CST7: variants seen among roughly 807,000 people sequenced by gnomAD.
CST7 encodes the protein cystatin F, also known as cystatin-F.
A neutral mutation model predicts 13.1 loss-of-function variants in CST7; 15 were observed. That is an observed-to-expected ratio of 1.14 (90% CI 0.77 to 1.76). CST7 has a LOEUF of 1.76. Ranked by LOEUF, CST7 falls within the 40% of genes most tolerant of loss-of-function variation. The probability of loss-of-function intolerance (pLI) is 0.00; values close to 1 mark genes in which losing one functional copy is unlikely to be tolerated. For missense variants in CST7, 193 were observed against 178.8 expected, an observed-to-expected ratio of 1.08 and a Z score of -0.45; for synonymous variants, 75 against 66.9, an observed-to-expected ratio of 1.12 and a Z score of -0.59.
chr20:24,949,316 C>T lies in CST7; in HGVS notation c.-190C>T. The T allele has an allele frequency of 7.3e-6, 11 of 1,499,672 alleles. No individual in the cohort carries two copies. In the South Asian group the frequency reaches 9.2e-5, roughly 13 times the overall value. The allele number at this position is 1,499,672 out of a possible 1,614,324, so 92.9% of individuals were successfully genotyped here. Reference sequence around the variant, plus strand: ...GGCTCAGCACAGGCACAAACCATTGCCCGGCACTGGCCCGTGCTGCCTGAG... The same window carrying T: ...GGCTCAGCACAGGCACAAACCATTGTCCGGCACTGGCCCGTGCTGCCTGAG... On this transcript the variant is annotated 5_prime_UTR_variant, in exon 1 of 4. Coordinates refer to ENST00000480798, the MANE Select transcript of CST7 (RefSeq NM_003650.4).
chr20:24,949,415 A>T lies in CST7; in HGVS notation c.-91A>T. On this transcript the variant is annotated 5_prime_UTR_variant, in exon 1 of 4. Transcript: ENST00000480798. ...CTACCCAAGAAGGCTCGGCACGGGC[A>T]CCAACCACTGCCTCCAACTGCCCCA... 1 of 1,608,708 alleles carries T rather than the reference A, an allele frequency of 6.2e-7. No individual in the cohort carries two copies. Among genetic ancestry groups the T allele is most frequent in the South Asian group, 1.1e-5 (1 of 90,570 alleles).
intron 1 of CST7, among the ~76,000 whole-genome samples, chr20:24,950,546 G>T (rs186717700): frequency 1.3e-5 from 2 of 152,324 alleles, no homozygotes; most frequent in South Asian, 2.1e-4. Context: ...GCAGCCAAGG[G>T]GACACGGCAG....
intron 1 of CST7, among the ~76,000 whole-genome samples, chr20:24,949,809 G>C (rs528820808): frequency 6.6e-6 from 1 of 152,342 alleles, no homozygotes; most frequent in African/African-American, 2.4e-5. Context: ...GAAGGCTAGG[G>C]GCAAGGGAAG....
At position 24,959,830 on chromosome 20, in the gene CST7, G is replaced by A; in HGVS notation, c.*118G>A. 1 of 1,029,748 alleles carries A rather than the reference G, an allele frequency of 9.7e-7. No homozygotes were observed. The highest frequency in any genetic ancestry group is 1.5e-6 in the Non-Finnish European group (1 of 662,690). 63.8% of individuals were successfully genotyped at this position (1,029,748 alleles called of 1,614,324 possible). A position where few individuals can be genotyped will look rare whatever the true frequency, so the allele number is the denominator to read the frequency against. ...ACCCTCTCAGGCCTCTGACGAGTGA[G>A]CGGGTGAAGTGCCACTGGGTCACCG... On this transcript the variant is annotated 3_prime_UTR_variant, in exon 4 of 4. Coordinates refer to ENST00000480798, the MANE Select transcript of CST7 (RefSeq NM_003650.4).
intron 1 of CST7, among the ~76,000 whole-genome samples, chr20:24,954,062 C>T (rs1005904270): frequency 3.3e-5 from 5 of 152,120 alleles, no homozygotes; most frequent in Admixed American, 2.6e-4. Flanking sequence ...GTGTCCTCTC[C>T]TGTGCCCCAG....
intron 2 of CST7, 117 bp downstream of exon 2, chr20:24,957,576 C>T (rs2087867391): frequency 2.9e-6 from 3 of 1,039,378 alleles, no homozygotes; most frequent in African/African-American, 1.6e-5. Flanking sequence ...GAGTGCAGAG[C>T]TCTGAGCAGA....
chr20:24,949,649 C>A, intron 1 of CST7, 74 bp downstream of exon 1: 1 of 1,580,876 alleles, frequency 6.3e-7, no homozygotes, highest in Non-Finnish European at 8.6e-7. Flanking sequence ...TTGGGTCTTC[C>A]CCAGGGCACT....
At chr20:24,952,597 C>T (rs1023745109) in intron 1 of CST7, among the ~76,000 whole-genome samples, 1 of 152,172 alleles carries the variant, frequency 6.6e-6, no homozygotes, top group South Asian at 2.1e-4. Flanking sequence ...GGACTTGCAC[C>T]CCCCCAACAC....
chr20:24,951,789 T>C (rs2087820916), intron 1 of CST7, among the ~76,000 whole-genome samples: 1 of 152,156 alleles, frequency 6.6e-6, no homozygotes. Flanking sequence ...ACCTAGGAAA[T>C]TGCCACACTG....
Position 24,959,615 on chromosome 20 carries a change from T to G in CST7, c.361-20T>G. The G allele has an allele frequency of 6.2e-7, 1 of 1,613,426 alleles. No homozygotes were observed. Among genetic ancestry groups the G allele is most frequent in the South Asian group, 1.1e-5 (1 of 91,066 alleles). On this transcript the variant is annotated intron_variant, in intron 3 of 3. Transcript: ENST00000480798. ...CGCAGGGAAAGTCTAAGCTCTCAGG[T>G]GTGCCCTTCTCTGTTTCAGACTCTG... is the stretch of plus-strand genomic sequence containing the variant.
At chr20:24,956,472 G>A (rs1487289475) in intron 1 of CST7, among the ~76,000 whole-genome samples, 4 of 152,198 alleles carry the variant, frequency 2.6e-5, no homozygotes, top group Non-Finnish European at 5.9e-5. Context: ...TAGGGGACAT[G>A]ACTGTGGGGG....
Position 24,958,916 on chromosome 20 carries a change from T to G in CST7, c.244-12T>G. 6.2e-7 allele frequency: 1 copy of G among 1,600,144 alleles called. No homozygotes were observed. The highest frequency in any genetic ancestry group is 8.6e-7 in the Non-Finnish European group (1 of 1,167,286). Reference sequence around the variant, plus strand: ...CCTGTGCCCAGTAACCCAGTCCCTTTGCTCCCTCCAGATAGTGAAAGGCCT... The same window carrying G: ...CCTGTGCCCAGTAACCCAGTCCCTTGGCTCCCTCCAGATAGTGAAAGGCCT... On this transcript the variant is annotated splice_polypyrimidine_tract_variant and intron_variant, in intron 2 of 3. Coordinates refer to ENST00000480798, the MANE Select transcript of CST7 (RefSeq NM_003650.4).
chr20:24,951,568 T>C (rs56313512), intron 1 of CST7, among the ~76,000 whole-genome samples: 14,604 of 152,146 alleles, frequency 0.096, 803 homozygotes, highest in African/African-American at 0.12. Context: ...CTGCCCCCAC[T>C]CCACAACTCC....
chr20:24,951,166 CA>C (rs2087816376), intron 1 of CST7, among the ~76,000 whole-genome samples: 1 of 152,192 alleles, frequency 6.6e-6, no homozygotes, highest in Non-Finnish European at 1.5e-5. Flanking sequence ...TGTCAGCCAC[CA>C]AACCCCAGAG....
chr20:24,959,220 A>G (rs1035219143), intron 3 of CST7, among the ~76,000 whole-genome samples, 176 bp downstream of exon 3: 1 of 152,188 alleles, frequency 6.6e-6, no homozygotes, highest in African/African-American at 2.4e-5. Flanking sequence ...CAGGAGGTAG[A>G]GCCTGTGCCA....
At position 24,959,740 on chromosome 20, in the gene CST7, C is replaced by T. The variant is rs1346386781; in HGVS notation, c.*28C>T. ...CCCGCCTCTTCAGCAAGACCACAGC[C>T]ATGACAAACACCAGGATGCATGCTC... is the stretch of plus-strand genomic sequence containing the variant. On this transcript the variant is annotated 3_prime_UTR_variant, in exon 4 of 4. Coordinates refer to ENST00000480798, the MANE Select transcript of CST7 (RefSeq NM_003650.4). 1 of 1,606,138 alleles carries T rather than the reference C, an allele frequency of 6.2e-7. No individual in the cohort carries two copies.
intron 2 of CST7, 30 bp downstream of exon 2, chr20:24,957,489 C>CG: frequency 6.2e-7 from 1 of 1,606,528 alleles, no homozygotes; most frequent in South Asian, 1.1e-5. Context: ...TCACATATCA[C>CG]GGACACCCCT....
Position 24,949,468 on chromosome 20 carries a change from A to T in CST7, c.-38A>T, listed in dbSNP as rs543780401. 6 of 1,613,690 alleles carry T rather than the reference A, an allele frequency of 3.7e-6. No individual in the cohort carries two copies. The South Asian group carries it at 5.5e-5, about 15-fold the overall frequency. The stretch of plus-strand genomic sequence containing the variant: ...CTGCCTGAGAAGGCACTGCACGGCC[A>T]CCCCCAACTGCCCCGCACTGTCCCT... On this transcript the variant is annotated 5_prime_UTR_variant, in exon 1 of 4. Transcript: ENST00000480798.
At chr20:24,949,997 G>T (rs775429617) in intron 1 of CST7, among the ~76,000 whole-genome samples, 7 of 152,128 alleles carry the variant, frequency 4.6e-5, no homozygotes, top group Non-Finnish European at 1.0e-4. Context: ...TTGGCTCCAG[G>T]GACCCTAACG....
Sources: gnomAD v4.1 joint callset for allele counts (sites outside exome capture counted in the v4.1 genomes callset) on GRCh38, gnomAD v4.1.1 for gene constraint, MANE v1.5 for transcripts, NCBI Gene and HGNC (gene_info 2026-07-23, HGNC 2026-07-21) for gene names.